Variants in DMXL1 observed in about 807,000 individuals in gnomAD.
DMXL1 encodes Dmx like 1.
A neutral mutation model predicts 319.2 loss-of-function variants in DMXL1; 99 were observed. The observed-to-expected ratio is 0.31, with a 90% CI of 0.26 to 0.37. The LOEUF is 0.37. Among genes scored for constraint, DMXL1 ranks in the 10% least tolerant of loss-of-function variants. The probability of loss-of-function intolerance (pLI) is 1.00; values close to 1 mark genes in which losing one functional copy is unlikely to be tolerated. For missense variants in DMXL1, 3,745 were observed against 3,595.6 expected, an observed-to-expected ratio of 1.04 and a Z score of -1.06; for synonymous variants, 1,385 against 1,235.2, an observed-to-expected ratio of 1.12 and a Z score of -2.54.
chr5:119,177,073 T>C (rs968717227), intron 26 of DMXL1, among the ~76,000 whole-genome samples: 1 of 152,130 alleles, frequency 6.6e-6, no homozygotes, highest in Non-Finnish European at 1.5e-5. Context: ...GATAACTATG[T>C]TTTTAAGTCA....
At chr5:119,197,388 T>C (rs1181763178) in intron 31 of DMXL1, among the ~76,000 whole-genome samples, 1 of 152,252 alleles carries the variant, frequency 6.6e-6, no homozygotes, top group Non-Finnish European at 1.5e-5. Context: ...TGTTGGGCTT[T>C]ATTCAAAGCT....
intron 2 of DMXL1, among the ~76,000 whole-genome samples, chr5:119,099,315 A>T (rs547761049): frequency 1.2e-4 from 18 of 152,152 alleles, no homozygotes; most frequent in African/African-American, 4.3e-4. Context: ...GGTTCAAGCA[A>T]TTCTCCTGCC....
intron 39 of DMXL1, among the ~76,000 whole-genome samples, chr5:119,234,420 C>CGGAA (rs1030015844): frequency 1.7e-4 from 26 of 152,240 alleles, no homozygotes; most frequent in African/African-American, 5.3e-4. Context: ...CTTTTCTTTC[C>CGGAA]CCTCAGCCTC....
At chr5:119,228,503 A>C (rs1220272136) in intron 38 of DMXL1, among the ~76,000 whole-genome samples, 1 of 152,230 alleles carries the variant, frequency 6.6e-6, no homozygotes, top group Non-Finnish European at 1.5e-5. Flanking sequence ...ACCTTCATGC[A>C]ATTTCTGGAA....
intron 30 of DMXL1, among the ~76,000 whole-genome samples, chr5:119,194,981 A>T (rs971461684): frequency 3.3e-5 from 5 of 152,286 alleles, no homozygotes; most frequent in African/African-American, 1.2e-4. Context: ...ATATGAAAAG[A>T]TGCTCAATAT....
intron 32 of DMXL1, among the ~76,000 whole-genome samples, chr5:119,202,793 G>C (rs1780946124): frequency 6.7e-6 from 1 of 149,926 alleles, no homozygotes; most frequent in African/African-American, 2.5e-5. Flanking sequence ...GGAGGTTGCA[G>C]TGAGCCAAGA....
Position 119,105,154 on chromosome 5 carries a change from G to A in DMXL1, c.286-26G>A, listed in dbSNP as rs770399502. ...CAGAGAAAATATGCCAATCATAATG[G>A]GCTAAATGACTTTTCTTAATTTTAG... On this transcript the variant is annotated intron_variant, in intron 3 of 43. Transcript: ENST00000539542. 9.5e-6 allele frequency: 14 copies of A among 1,467,832 alleles called. No homozygotes were observed. The South Asian group carries it at 1.4e-4, about 14-fold the overall frequency. 90.9% of individuals were successfully genotyped at this position (1,467,832 alleles called of 1,614,324 possible).
intron 20 of DMXL1, among the ~76,000 whole-genome samples, chr5:119,164,894 A>C (rs2150227412): frequency 6.8e-6 from 1 of 147,474 alleles, no homozygotes; most frequent in African/African-American, 2.4e-5. Flanking sequence ...ACTTGTTAGT[A>C]GTATATGTCT....
intron 10 of DMXL1, chr5:119,132,852 C>T (rs1765232919): frequency 3.5e-6 from 2 of 568,524 alleles, no homozygotes; most frequent in Non-Finnish European, 6.6e-6. Context: ...TTTCTCCTTT[C>T]ATCTGTGCAA....
chr5:119,137,965 A>T (rs1766408293), intron 13 of DMXL1, among the ~76,000 whole-genome samples: 1 of 152,226 alleles, frequency 6.6e-6, no homozygotes. Context: ...CTGATAGGCC[A>T]TTGTGGTAAC....
chr5:119,231,579 C>T (rs957212509), intron 38 of DMXL1, among the ~76,000 whole-genome samples: 4 of 152,166 alleles, frequency 2.6e-5, no homozygotes, highest in Non-Finnish European at 4.4e-5. Flanking sequence ...GGATCTCCTT[C>T]ATGTTCCTCT....
chr5:119,209,845 C>T (rs146153991), intron 34 of DMXL1, among the ~76,000 whole-genome samples: 59 of 152,198 alleles, frequency 3.9e-4, no homozygotes, highest in African/African-American at 1.4e-3. Context: ...TGCTTGTTTT[C>T]TTGATTCAAT....
chr5:119,205,959 G>A (rs1304448801), intron 33 of DMXL1, among the ~76,000 whole-genome samples: 1 of 152,028 alleles, frequency 6.6e-6, no homozygotes, highest in Admixed American at 6.6e-5. Context: ...GCAGGTGATG[G>A]GAGAGTATTC....
At chr5:119,146,275 G>A (rs1768511342) in intron 15 of DMXL1, among the ~76,000 whole-genome samples, 1 of 151,718 alleles carries the variant, frequency 6.6e-6, no homozygotes, top group Admixed American at 6.6e-5. Context: ...TGTTAAAAAG[G>A]TTTTTCAGGC....
At position 119,071,289 on chromosome 5, in the gene DMXL1, G is replaced by A; in HGVS notation, c.-281G>A. On this transcript the variant is annotated 5_prime_UTR_variant, in exon 1 of 44. Transcript: ENST00000539542. Reference sequence around the variant, plus strand: ...CGGCCCCGGGTCGTGGCCGGTGAGGGGACCCTGAGCTTCACCTGGGCTAGC... The same window carrying A: ...CGGCCCCGGGTCGTGGCCGGTGAGGAGACCCTGAGCTTCACCTGGGCTAGC... The A allele has an allele frequency of 4.5e-6, 2 of 440,932 alleles. No individual in the cohort carries two copies. The highest frequency in any genetic ancestry group is 4.7e-5 in the South Asian group (2 of 42,822). 27.3% of individuals were successfully genotyped at this position (440,932 alleles called of 1,614,324 possible).
At chr5:119,122,453 C>A (rs1221884826) in intron 9 of DMXL1, among the ~76,000 whole-genome samples, 1 of 151,438 alleles carries the variant, frequency 6.6e-6, no homozygotes, top group African/African-American at 2.4e-5. Context: ...ACCCCCCCCA[C>A]CTCCCTCCCA....
chr5:119,178,270 C>A, intron 28 of DMXL1, 26 bp downstream of exon 28: 1 of 1,602,308 alleles, frequency 6.2e-7, no homozygotes, highest in South Asian at 1.1e-5. Flanking sequence ...TTTTTTAGGA[C>A]TGAAGCTTTA....
chr5:119,220,707 G>A, intron 36 of DMXL1, 114 bp downstream of exon 36: 1 of 1,340,844 alleles, frequency 7.5e-7, no homozygotes, highest in East Asian at 2.4e-5. Context: ...AAGCAGAGTA[G>A]AAGCTGATGT....
chr5:119,228,290 A>C (rs984400215), intron 38 of DMXL1, among the ~76,000 whole-genome samples: 1 of 152,232 alleles, frequency 6.6e-6, no homozygotes, highest in Non-Finnish European at 1.5e-5. Context: ...AGTTACTTGC[A>C]GACACTTTCA....
Sources: allele counts gnomAD v4.1 joint callset (sites outside exome capture counted in the v4.1 genomes callset), GRCh38; gene constraint gnomAD v4.1.1; transcripts MANE v1.5; gene names NCBI Gene and HGNC (gene_info 2026-07-23, HGNC 2026-07-21).